Variants in TMEM232 observed in about 807,000 individuals in gnomAD.
TMEM232 encodes transmembrane protein 232.
TMEM232 carries 80 observed loss-of-function variants against 78.8 expected under a neutral mutation model. That is an observed-to-expected ratio of 1.01 (90% CI 0.85 to 1.22). The LOEUF (loss-of-function observed/expected upper bound fraction) is 1.22. Ranked by LOEUF, TMEM232 falls within the 50% of genes most tolerant of loss-of-function variation. The probability of loss-of-function intolerance (pLI) is 0.00; values close to 1 mark genes in which losing one functional copy is unlikely to be tolerated. For synonymous variants in TMEM232, 297 were observed against 254.3 expected (o/e 1.17, Z -1.60); for missense variants, 881 against 742.2 (o/e 1.19, Z -2.17).
chr5:110,477,649 T>A (rs1397097806), intron 12 of TMEM232, among the ~76,000 whole-genome samples: 2 of 151,794 alleles, frequency 1.3e-5, no homozygotes, highest in African/African-American at 2.4e-5. Flanking sequence ...TCCCCACACC[T>A]CCAAGTTCAG....
At chr5:110,541,125 T>C (rs1773049668) in intron 11 of TMEM232, among the ~76,000 whole-genome samples, 1 of 152,096 alleles carries the variant, frequency 6.6e-6, no homozygotes. Context: ...CAATGGAGAA[T>C]TATAAAAACC....
intron 2 of TMEM232, among the ~76,000 whole-genome samples, chr5:110,661,634 T>G (rs945175061): frequency 1.3e-5 from 2 of 152,170 alleles, no homozygotes; most frequent in African/African-American, 4.8e-5. Flanking sequence ...CTCTTTAATC[T>G]GCCAATTTCC....
At chr5:110,722,459 T>C (rs559267804) in intron 1 of TMEM232, among the ~76,000 whole-genome samples, 46 of 152,228 alleles carry the variant, frequency 3.0e-4, no homozygotes, top group African/African-American at 1.1e-3. Flanking sequence ...AGGATCCACT[T>C]CCAGGGTGGT....
At chr5:110,621,416 GA>G (rs1228831594) in intron 7 of TMEM232, among the ~76,000 whole-genome samples, 1 of 151,824 alleles carries the variant, frequency 6.6e-6, no homozygotes, top group Non-Finnish European at 1.5e-5. Flanking sequence ...CACAAAAAAT[GA>G]AAAATACGTA....
chr5:110,672,329 C>T (rs780911557), intron 1 of TMEM232, among the ~76,000 whole-genome samples: 10 of 152,116 alleles, frequency 6.6e-5, no homozygotes, highest in Non-Finnish European at 1.5e-4. Context: ...AGAAACTTCT[C>T]CAGTGGGATG....
intron 10 of TMEM232, among the ~76,000 whole-genome samples, chr5:110,596,774 T>A (rs1402056988): frequency 6.6e-6 from 1 of 152,150 alleles, no homozygotes; most frequent in East Asian, 1.9e-4. Flanking sequence ...CACACGATTA[T>A]CTCAATAGAT....
At chr5:110,579,911 T>A (rs1310318791) in intron 10 of TMEM232, among the ~76,000 whole-genome samples, 2 of 151,658 alleles carry the variant, frequency 1.3e-5, no homozygotes, top group East Asian at 3.9e-4. Context: ...ATAAAGTATC[T>A]ATAAGGGGGT....
intron 12 of TMEM232, among the ~76,000 whole-genome samples, chr5:110,522,158 A>G (rs564662971): frequency 2.2e-4 from 33 of 152,160 alleles, no homozygotes; most frequent in Non-Finnish European, 4.0e-4. Flanking sequence ...GTTTATTTCC[A>G]AGTATTTTAT....
At chr5:110,538,295 G>T (rs1251818194) in intron 11 of TMEM232, among the ~76,000 whole-genome samples, 2 of 152,104 alleles carry the variant, frequency 1.3e-5, no homozygotes, top group African/African-American at 4.8e-5. Flanking sequence ...TTAGACTTAA[G>T]CTCCAAAAGC....
chr5:110,640,816 A>T, intron 4 of TMEM232, 75 bp downstream of exon 4: 2 of 1,054,448 alleles, frequency 1.9e-6, no homozygotes, highest in Non-Finnish European at 2.6e-6. Context: ...TTTAAAAATT[A>T]AAGTTCTCAA....
At chr5:110,691,815 T>C (rs1472331090) in intron 1 of TMEM232, among the ~76,000 whole-genome samples, 1 of 152,262 alleles carries the variant, frequency 6.6e-6, no homozygotes, top group Non-Finnish European at 1.5e-5. Flanking sequence ...ATTATAAGAA[T>C]GTCACTTTCA....
chr5:110,724,025 T>C (rs1797917426), intron 1 of TMEM232, among the ~76,000 whole-genome samples: 1 of 152,160 alleles, frequency 6.6e-6, no homozygotes. Flanking sequence ...CACAGTCAAG[T>C]TGTTGGAGAC....
intron 1 of TMEM232, among the ~76,000 whole-genome samples, chr5:110,672,088 T>C (rs571998095): frequency 6.6e-6 from 1 of 152,292 alleles, no homozygotes; most frequent in African/African-American, 2.4e-5. Flanking sequence ...CTGGTTTTCA[T>C]GTACATTATG....
At chr5:110,532,047 C>T (rs1771570801) in intron 11 of TMEM232, among the ~76,000 whole-genome samples, 1 of 152,152 alleles carries the variant, frequency 6.6e-6, no homozygotes, top group Admixed American at 6.5e-5. Context: ...CACACAAGAA[C>T]TTCCAAACGC....
intron 2 of TMEM232, among the ~76,000 whole-genome samples, chr5:110,661,337 G>C (rs913842564): frequency 3.3e-5 from 5 of 151,952 alleles, no homozygotes; most frequent in African/African-American, 1.2e-4. Context: ...CTTGAGGTAG[G>C]GTCTTGCTCT....
At chr5:110,717,014 G>A (rs1481822655) in intron 1 of TMEM232, among the ~76,000 whole-genome samples, 1 of 152,122 alleles carries the variant, frequency 6.6e-6, no homozygotes, top group Non-Finnish European at 1.5e-5. Flanking sequence ...GGGATAATCA[G>A]AGTATTTCTA....
intron 12 of TMEM232, among the ~76,000 whole-genome samples, chr5:110,502,663 A>T (rs1580963866): frequency 6.6e-6 from 1 of 151,916 alleles, no homozygotes. Flanking sequence ...CAATATGCGA[A>T]CCTCACCTCC....
In TMEM232 at chr5:110,718,653, G is replaced by GT. The variant is rs1217922234; in HGVS notation, c.-13+7973dup. ...TTAATTTTTTTTTAGTGTTTGTGAA[G>GT]TTTTTTGCCATTATCTCCTTGAATA... is the stretch of plus-strand genomic sequence containing the variant. On this transcript the variant is annotated intron_variant, in intron 1 of 13. Transcript: ENST00000455884. Among the ~76,000 whole-genome samples, 3 of 152,030 alleles carry GT rather than the reference G, an allele frequency of 2.0e-5. No individual in the cohort carries two copies. The East Asian group carries it at 5.8e-4, about 29-fold the overall frequency.
At chr5:110,431,474 C>T (rs530831890) in intron 12 of TMEM232, among the ~76,000 whole-genome samples, 6 of 151,778 alleles carry the variant, frequency 4.0e-5, no homozygotes, top group Non-Finnish European at 7.4e-5. Context: ...AGAAGGTGAA[C>T]TGTCTTTCTG....
Sources: allele counts gnomAD v4.1 joint callset (sites outside exome capture counted in the v4.1 genomes callset), GRCh38; gene constraint gnomAD v4.1.1; transcripts MANE v1.5; gene names NCBI Gene and HGNC (gene_info 2026-07-23, HGNC 2026-07-21).